Variants in MGAT4C observed in about 807,000 individuals in gnomAD.
The protein encoded by MGAT4C is alpha-1,3-mannosyl-glycoprotein 4-beta-N-acetylglucosaminyltransferase C.
A neutral mutation model predicts 40.1 loss-of-function variants in MGAT4C; 19 were observed. The observed-to-expected ratio is 0.47, with a 90% CI of 0.33 to 0.70. The LOEUF is 0.70. MGAT4C is among the 30% of genes least tolerant of loss of function. The probability of loss-of-function intolerance (pLI) is 0.02; values close to 1 mark genes in which losing one functional copy is unlikely to be tolerated. For missense variants in MGAT4C, 491 were observed against 563.2 expected, an observed-to-expected ratio of 0.87 and a Z score of 1.30; for synonymous variants, 181 against 187.1, an observed-to-expected ratio of 0.97 and a Z score of 0.27.
At chr12:86,805,880 C>A (rs1952343369) in intron 1 of MGAT4C, among the ~76,000 whole-genome samples, 1 of 151,792 alleles carries the variant, frequency 6.6e-6, no homozygotes, top group Non-Finnish European at 1.5e-5. Context: ...TTGCCAGCAT[C>A]TTTTATTTTT....
chr12:86,155,263 A>G (rs1243698679), intron 1 of MGAT4C, among the ~76,000 whole-genome samples: 1 of 152,210 alleles, frequency 6.6e-6, no homozygotes, highest in East Asian at 1.9e-4. Flanking sequence ...AGAACTTTGT[A>G]GGCAACGGAA....
intron 3 of MGAT4C, among the ~76,000 whole-genome samples, chr12:86,428,986 A>C (rs1956982543): frequency 6.6e-6 from 1 of 151,356 alleles, no homozygotes; most frequent in Non-Finnish European, 1.5e-5. Flanking sequence ...ATTTTTTCCC[A>C]TGTGCTAACT....
At chr12:86,093,955 A>G (rs886689875) in intron 1 of MGAT4C, among the ~76,000 whole-genome samples, 3 of 152,140 alleles carry the variant, frequency 2.0e-5, no homozygotes, top group South Asian at 2.1e-4. Context: ...TCTTGTAATT[A>G]TTAGTTTACT....
At chr12:86,437,256 T>A (rs1957152845) in intron 2 of MGAT4C, among the ~76,000 whole-genome samples, 1 of 151,804 alleles carries the variant, frequency 6.6e-6, no homozygotes, top group African/African-American at 2.4e-5. Flanking sequence ...ACATTTTTAC[T>A]AGTTATTTTC....
chr12:86,131,529 T>C (rs1881178855), intron 1 of MGAT4C, among the ~76,000 whole-genome samples: 1 of 152,116 alleles, frequency 6.6e-6, no homozygotes, highest in African/African-American at 2.4e-5. Flanking sequence ...ATTTGGCATT[T>C]ATTCTTTTAT....
At chr12:86,548,350 G>T (rs1959213521) in intron 2 of MGAT4C, among the ~76,000 whole-genome samples, 1 of 151,992 alleles carries the variant, frequency 6.6e-6, no homozygotes, top group African/African-American at 2.4e-5. Context: ...GTCCACAATA[G>T]AATAATCTCT....
intron 2 of MGAT4C, among the ~76,000 whole-genome samples, chr12:86,441,440 T>C (rs1957226212): frequency 6.6e-6 from 1 of 151,808 alleles, no homozygotes; most frequent in African/African-American, 2.4e-5. Flanking sequence ...GTTGGTGTGC[T>C]GCACCCATTA....
At chr12:86,209,620 C>T (rs186878665) in intron 1 of MGAT4C, among the ~76,000 whole-genome samples, 2 of 152,088 alleles carry the variant, frequency 1.3e-5, no homozygotes, top group Non-Finnish European at 2.9e-5. Context: ...GCAGATCAAT[C>T]TACATTTCTC....
rs17014082 is a variant in MGAT4C at position 86,654,773 on chromosome 12, C to T, written c.-229+72436G>A. On this transcript the variant is annotated intron_variant, in intron 2 of 7. Transcript: ENST00000548651. Reference sequence around the variant, plus strand: ...ATATGAAAACTCTTTGAATTTTTCTCTGGGACGCTTATTAAAGAAACTGCA... The same window carrying T: ...ATATGAAAACTCTTTGAATTTTTCTTTGGGACGCTTATTAAAGAAACTGCA... 3.4e-3 allele frequency among the ~76,000 whole-genome samples: 501 copies of T among 146,734 alleles called. 3 individuals are homozygous for T. The highest frequency in any genetic ancestry group is 0.012 in the African/African-American group (487 of 39,896).
chr12:86,190,977 T>C, intron 1 of MGAT4C, among the ~76,000 whole-genome samples: 1 of 152,004 alleles, frequency 6.6e-6, no homozygotes, highest in Non-Finnish European at 1.5e-5. Flanking sequence ...CTGTGCTAAA[T>C]GTCAACTCTT....
In MGAT4C at chr12:86,191,660, CA is replaced by C. The variant is rs1566119036; in HGVS notation, c.-57+64578del. On this transcript the variant is annotated intron_variant, in intron 1 of 4. Coordinates refer to ENST00000611864, the MANE Select transcript of MGAT4C (RefSeq NM_001351288.2). ...ACACACACACACACACACACACACA[CA>C]CACACACACACACCCTTATCTCCTG... 3.3e-3 allele frequency among the ~76,000 whole-genome samples: 449 copies of C among 135,200 alleles called. 2 individuals carry two copies. Among genetic ancestry groups the C allele is most frequent in the African/African-American group, 0.013 (417 of 31,352 alleles). 88.7% of individuals were successfully genotyped at this position (135,200 alleles called of 152,430 possible).
intron 2 of MGAT4C, among the ~76,000 whole-genome samples, chr12:86,534,809 C>T (rs1565832056): frequency 6.6e-6 from 1 of 151,936 alleles, no homozygotes; most frequent in African/African-American, 2.4e-5. Flanking sequence ...TTATTCTGCC[C>T]CTGTTTTGTT....
At chr12:86,660,978 C>T (rs568869083) in intron 2 of MGAT4C, among the ~76,000 whole-genome samples, 1 of 152,224 alleles carries the variant, frequency 6.6e-6, no homozygotes, top group Non-Finnish European at 1.5e-5. Flanking sequence ...ATTCATAGCC[C>T]TGGGTAGAAT....
At chr12:86,418,221 A>C (rs905832745) in intron 3 of MGAT4C, among the ~76,000 whole-genome samples, 5 of 152,204 alleles carry the variant, frequency 3.3e-5, no homozygotes, top group Non-Finnish European at 7.3e-5. Context: ...TTGAATGATC[A>C]GAGCATATGA....
intron 2 of MGAT4C, among the ~76,000 whole-genome samples, chr12:86,442,868 C>A (rs538484504): frequency 5.3e-5 from 8 of 152,134 alleles, no homozygotes; most frequent in Admixed American, 2.6e-4. Flanking sequence ...GCAACCACCA[C>A]CTTGATCAGT....
chr12:86,405,968 C>CAT (rs71076196), intron 3 of MGAT4C, among the ~76,000 whole-genome samples: 49 of 65,946 alleles, frequency 7.4e-4, no homozygotes, highest in South Asian at 6.6e-3. Context: ...TTATATTATA[C>CAT]ATATATATAT....
At chr12:86,056,153 T>C (rs1893363856) in intron 1 of MGAT4C, among the ~76,000 whole-genome samples, 2 of 152,160 alleles carry the variant, frequency 1.3e-5, no homozygotes, top group African/African-American at 4.8e-5. Context: ...AGCTCTATTA[T>C]GAGCTAAACT....
chr12:86,464,851 G>C (rs906107359), intron 2 of MGAT4C, among the ~76,000 whole-genome samples: 1 of 151,814 alleles, frequency 6.6e-6, no homozygotes, highest in Non-Finnish European at 1.5e-5. Context: ...ACAAACAAGC[G>C]TATGACTTCT....
chr12:86,403,132 C>A (rs79690835), intron 3 of MGAT4C, among the ~76,000 whole-genome samples: 1 of 152,286 alleles, frequency 6.6e-6, no homozygotes, highest in Non-Finnish European at 1.5e-5. Flanking sequence ...ACTGTTATGG[C>A]ATCTTTATTT....
Sources: gnomAD v4.1 joint callset for allele counts (sites outside exome capture counted in the v4.1 genomes callset) on GRCh38, gnomAD v4.1.1 for gene constraint, MANE v1.5 for transcripts, NCBI Gene and HGNC (gene_info 2026-07-23, HGNC 2026-07-21) for gene names.